The following SDK2 variants were observed in gnomAD, a reference collection of about 807,000 sequenced individuals.
SDK2 encodes the protein protein sidekick-2.
A neutral mutation model predicts 253.9 loss-of-function variants in SDK2; 105 were observed. That is an observed-to-expected ratio of 0.41 (90% confidence interval 0.35 to 0.49). The LOEUF (loss-of-function observed/expected upper bound fraction) is 0.49. Among genes scored for constraint, SDK2 ranks in the 20% least tolerant of loss-of-function variants. The pLI is 0.06. For synonymous variants in SDK2, 1,249 were observed against 1,234.9 expected, an observed-to-expected ratio of 1.01 and a Z score of -0.24; for missense variants, 2,608 against 3,003.0, an observed-to-expected ratio of 0.87 and a Z score of 3.07.
chr17:73,380,129 T>C (rs1299959443), intron 34 of SDK2, among the ~76,000 whole-genome samples: 2 of 151,848 alleles, frequency 1.3e-5, no homozygotes, highest in African/African-American at 2.4e-5. Context: ...CCCCCGTAGC[T>C]GAAAGTTTCT....
At chr17:73,360,213 T>C (rs1398802665) in intron 39 of SDK2, among the ~76,000 whole-genome samples, 1 of 152,208 alleles carries the variant, frequency 6.6e-6, no homozygotes, top group Non-Finnish European at 1.5e-5. Flanking sequence ...GGACAGCGGC[T>C]GGGTGGCTCC....
In SDK2 at chr17:73,481,269, G is replaced by T. The variant is rs1445298230; in HGVS notation, c.225-9051C>A. On this transcript the variant is annotated intron_variant, in intron 2 of 44. Coordinates refer to ENST00000392650, the MANE Select transcript of SDK2 (RefSeq NM_001144952.2). The surrounding 1 kb of genome is among the most constrained non-coding windows in gnomAD (Gnocchi z 4.5). ...ATTCTGTGTCCCTCGGAGGAGGGGG[G>T]ACTTGGGCACAGTGTGTTCCCCCCA... 6.6e-6 allele frequency among the ~76,000 whole-genome samples: 1 copy of T among 152,170 alleles called. No individual in the cohort carries two copies. Among genetic ancestry groups the T allele is most frequent in the East Asian group, 1.9e-4 (1 of 5,184 alleles).
chr17:73,613,118 C>T (rs758131228), intron 1 of SDK2, among the ~76,000 whole-genome samples: 3 of 152,122 alleles, frequency 2.0e-5, no homozygotes, highest in Non-Finnish European at 4.4e-5. Context: ...CAAAGCGGCA[C>T]GAGAGATTTT....
At chr17:73,582,738 A>AC (rs756586695) in intron 1 of SDK2, among the ~76,000 whole-genome samples, 1 of 151,940 alleles carries the variant, frequency 6.6e-6, no homozygotes, top group South Asian at 2.1e-4. Flanking sequence ...CCTCCTGGGT[A>AC]CCCCCCTTCA....
intron 9 of SDK2, among the ~76,000 whole-genome samples, chr17:73,434,123 T>C (rs1007997538): frequency 1.3e-5 from 2 of 152,178 alleles, no homozygotes; most frequent in Non-Finnish European, 2.9e-5. Flanking sequence ...AGGCCTGCAT[T>C]TGGGGGAAAC....
chr17:73,475,107 C>T (rs189314772), intron 2 of SDK2, among the ~76,000 whole-genome samples: 2 of 152,304 alleles, frequency 1.3e-5, no homozygotes, highest in Admixed American at 1.3e-4. Context: ...AATATGCCAG[C>T]TCTTTGACTC....
Position 73,459,661 on chromosome 17 carries a change from G to A in SDK2, c.332-3608C>T, listed in dbSNP as rs373916806. 1.3e-4 allele frequency among the ~76,000 whole-genome samples: 20 copies of A among 151,750 alleles called. 1 individual carries two copies. Among genetic ancestry groups the A allele is most frequent in the South Asian group, 2.1e-4 (1 of 4,796 alleles). ...CCTGACTTCAAATCCTAGTTCTGTCGTTCCATTACTCATTAGCCATGATGC... is the reference window on the plus strand; with the variant it reads ...CCTGACTTCAAATCCTAGTTCTGTCATTCCATTACTCATTAGCCATGATGC... On this transcript the variant is annotated intron_variant, in intron 3 of 44. Coordinates refer to ENST00000392650, the MANE Select transcript of SDK2 (RefSeq NM_001144952.2).
chr17:73,585,272 T>C (rs1173800414), intron 1 of SDK2, among the ~76,000 whole-genome samples: 1 of 152,220 alleles, frequency 6.6e-6, no homozygotes, highest in Non-Finnish European at 1.5e-5. Context: ...TGCCATGCGC[T>C]TCTCGTAGTG....
At chr17:73,630,694 T>G (rs2046257665) in intron 1 of SDK2, among the ~76,000 whole-genome samples, 1 of 152,050 alleles carries the variant, frequency 6.6e-6, no homozygotes, top group South Asian at 2.1e-4. Context: ...GTCCTAACAT[T>G]CCCGGGGAGG....
intron 1 of SDK2, among the ~76,000 whole-genome samples, chr17:73,595,934 C>T (rs2045751755): frequency 2.6e-5 from 4 of 152,190 alleles, no homozygotes; most frequent in Admixed American, 2.6e-4. Context: ...GCAGACATGG[C>T]TTAGGCGGCC....
intron 29 of SDK2, among the ~76,000 whole-genome samples, chr17:73,388,929 C>T (rs2062902450): frequency 1.6e-5 from 1 of 60,868 alleles, no homozygotes; most frequent in Non-Finnish European, 3.1e-5. Flanking sequence ...TCCCCCCTTC[C>T]CTCCCCTCCC....
chr17:73,394,130 G>A, intron 26 of SDK2, 79 bp downstream of exon 26: 1 of 846,584 alleles, frequency 1.2e-6, no homozygotes, highest in African/African-American at 1.7e-5. Context: ...CCTAGAGGGT[G>A]ATAAGGACAA....
At chr17:73,547,347 G>A (rs1312390651) in intron 1 of SDK2, among the ~76,000 whole-genome samples, 1 of 152,254 alleles carries the variant, frequency 6.6e-6, no homozygotes, top group African/African-American at 2.4e-5. Context: ...ATAGGGATGA[G>A]TGACCTGCAG....
chr17:73,572,419 T>C (rs1249632924), intron 1 of SDK2, among the ~76,000 whole-genome samples: 2 of 152,018 alleles, frequency 1.3e-5, no homozygotes, highest in Admixed American at 1.3e-4. Flanking sequence ...CCCCTCTTCC[T>C]AGCCAGCTCC....
chr17:73,619,360 C>T (rs1801974526), intron 1 of SDK2, among the ~76,000 whole-genome samples: 1 of 152,010 alleles, frequency 6.6e-6, no homozygotes, highest in Non-Finnish European at 1.5e-5. Context: ...ATCAAAACAG[C>T]AGCAGAAATC....
chr17:73,365,941 G>A (rs1020000688), intron 37 of SDK2, among the ~76,000 whole-genome samples: 1 of 152,126 alleles, frequency 6.6e-6, no homozygotes, highest in African/African-American at 2.4e-5. Context: ...AGGACAGTCA[G>A]ACCCTCTGGG....
chr17:73,513,864 G>A (rs1344033750), intron 1 of SDK2: 5 of 152,192 alleles, frequency 3.3e-5, no homozygotes, highest in South Asian at 4.1e-4. Context: ...TACTGTTTAC[G>A]TAGAAGCTTT....
In SDK2 at chr17:73,374,220, G is replaced by A. The variant is rs570048334; in HGVS notation, c.4980+4957C>T. The stretch of plus-strand genomic sequence containing the variant: ...TAGCTTTCAGTACCATCTATATGCC[G>A]AGGACTCTATAATTCACATCTCTGG... On this transcript the variant is annotated intron_variant, in intron 36 of 44. Transcript: ENST00000392650. 3.5e-4 allele frequency among the ~76,000 whole-genome samples: 50 copies of A among 144,266 alleles called. 7 individuals are homozygous for A. The South Asian group carries it at 7.9e-3, about 23-fold the overall frequency. The allele number at this position is 144,266 out of a possible 152,430, so 94.6% of individuals were successfully genotyped here.
At chr17:73,356,378 C>T (rs780812052) in intron 40 of SDK2, among the ~76,000 whole-genome samples, 10 of 152,286 alleles carry the variant, frequency 6.6e-5, no homozygotes, top group East Asian at 1.9e-4. Context: ...GGGCTCTAGC[C>T]GCCAGCCCCG....
Sources: allele counts gnomAD v4.1 joint callset (sites outside exome capture counted in the v4.1 genomes callset), GRCh38; gene constraint gnomAD v4.1.1; non-coding constraint Gnocchi (gnomAD v3.1); transcripts MANE v1.5; gene names NCBI Gene and HGNC (gene_info 2026-07-23, HGNC 2026-07-21).